Variants in ARHGEF28 observed in about 807,000 individuals in gnomAD.
ARHGEF28 encodes the protein 190 kDa guanine nucleotide exchange factor.
In ARHGEF28, 152 loss-of-function variants were observed where a neutral mutation model predicts 206.6. The ratio of observed to expected loss-of-function variants is 0.74; its 90% CI spans 0.64 to 0.84. The LOEUF is 0.84. Among genes scored for constraint, ARHGEF28 ranks in the 40% least tolerant of loss-of-function variants. ARHGEF28 has a pLI of 0.00. For synonymous variants in ARHGEF28, 763 were observed against 776.4 expected, an observed-to-expected ratio of 0.98 and a Z score of 0.29; for missense variants, 2,028 against 2,073.2, an observed-to-expected ratio of 0.98 and a Z score of 0.42.
At chr5:73,939,624 A>G (rs901571185) in intron 35 of ARHGEF28, among the ~76,000 whole-genome samples, 7 of 152,050 alleles carry the variant, frequency 4.6e-5, no homozygotes, top group African/African-American at 1.7e-4. Context: ...CCCACCTCCT[A>G]CTGGAAGATG....
intron 31 of ARHGEF28, chr5:73,902,265 T>A (rs1762311295): frequency 6.6e-6 from 1 of 152,218 alleles, no homozygotes; most frequent in Non-Finnish European, 1.5e-5. Flanking sequence ...TCCTTCTGAT[T>A]GTAAGCTTTC....
intron 9 of ARHGEF28, among the ~76,000 whole-genome samples, chr5:73,798,155 T>C (rs1353840620): frequency 6.6e-6 from 1 of 152,160 alleles, no homozygotes; most frequent in African/African-American, 2.4e-5. Flanking sequence ...GGTACAGGCA[T>C]GCAATATGAA....
chr5:73,866,144 A>G (rs1393312497), intron 18 of ARHGEF28, 131 bp downstream of exon 18: 7 of 874,758 alleles, frequency 8.0e-6, no homozygotes, highest in African/African-American at 3.4e-5. Flanking sequence ...TATGCTTGGC[A>G]TGATTTTTAG....
At chr5:73,732,844 CAGTA>C (rs1750698370) in intron 2 of ARHGEF28, among the ~76,000 whole-genome samples, 1 of 152,224 alleles carries the variant, frequency 6.6e-6, no homozygotes, top group Admixed American at 6.5e-5. Context: ...AACACACAAA[CAGTA>C]GGAAATGATT....
intron 4 of ARHGEF28, among the ~76,000 whole-genome samples, chr5:73,773,448 C>A (rs1753346234): frequency 6.6e-6 from 1 of 152,176 alleles, no homozygotes; most frequent in Non-Finnish European, 1.5e-5. Context: ...ACAGTCTCAG[C>A]CTCTAAAAGC....
intron 2 of ARHGEF28, among the ~76,000 whole-genome samples, chr5:73,738,332 A>G (rs575644238): frequency 6.6e-6 from 1 of 152,236 alleles, no homozygotes; most frequent in South Asian, 2.1e-4. Flanking sequence ...GCTGTAATGT[A>G]AGGGGTTTGA....
chr5:73,812,589 G>A (rs891846941), intron 9 of ARHGEF28, among the ~76,000 whole-genome samples: 4 of 152,238 alleles, frequency 2.6e-5, no homozygotes, highest in South Asian at 2.1e-4. Context: ...TATAGGAAGC[G>A]GAGAAGTGAG....
At chr5:73,731,320 G>A (rs1175719925) in intron 2 of ARHGEF28, among the ~76,000 whole-genome samples, 3 of 152,172 alleles carry the variant, frequency 2.0e-5, no homozygotes, top group Admixed American at 1.3e-4. Context: ...AGGGGTTGCT[G>A]TAACTTAAGG....
In ARHGEF28 at chr5:73,867,862, G is replaced by A. The variant is rs777641804; in HGVS notation, c.2153-14G>A. On this transcript the variant is annotated splice_polypyrimidine_tract_variant and intron_variant, in intron 18 of 35. Transcript: ENST00000513042. ...GACCTGGAAACCACATGAAGCATCT[G>A]TTCTGATTTCCAGATTCTTCATTTA... 6.2e-7 allele frequency: 1 copy of A among 1,613,942 alleles called. No individual in the cohort carries two copies.
intron 1 of ARHGEF28, among the ~76,000 whole-genome samples, chr5:73,626,904 A>T (rs1204125929): frequency 6.6e-6 from 1 of 152,172 alleles, no homozygotes; most frequent in Admixed American, 6.5e-5. Flanking sequence ...CGCTTATTTT[A>T]TGGATTTGTT....
intron 2 of ARHGEF28, among the ~76,000 whole-genome samples, chr5:73,699,482 G>A (rs1426713377): frequency 2.0e-5 from 3 of 152,280 alleles, no homozygotes; most frequent in African/African-American, 7.2e-5. Flanking sequence ...TATACACCAT[G>A]TCAAAGACTT....
chr5:73,887,703 A>G lies in ARHGEF28; in HGVS notation c.3387+24A>G, dbSNP rs1171993242. The stretch of plus-strand genomic sequence containing the variant: ...TTGTAAGTATATGACTGTGTGATGT[A>G]TTTAAAAAATAGGTTTAACCACACA... On this transcript the variant is annotated intron_variant, in intron 26 of 35. Transcript: ENST00000513042. 2.6e-6 allele frequency: 4 copies of G among 1,515,614 alleles called. No individual in the cohort carries two copies. The African/African-American group carries it at 5.6e-5, about 21-fold the overall frequency. 93.9% of individuals were successfully genotyped at this position (1,515,614 alleles called of 1,614,324 possible).
intron 2 of ARHGEF28, among the ~76,000 whole-genome samples, chr5:73,690,820 A>G (rs1291793046): frequency 6.6e-6 from 1 of 152,210 alleles, no homozygotes; most frequent in Non-Finnish European, 1.5e-5. Flanking sequence ...AGATTTTTCC[A>G]TTTTTCCTCA....
chr5:73,827,304 T>C (rs1267076062), intron 9 of ARHGEF28, among the ~76,000 whole-genome samples: 1 of 152,180 alleles, frequency 6.6e-6, no homozygotes, highest in African/African-American at 2.4e-5. Context: ...CCAGTGGCCT[T>C]GGGTTGTTTT....
At chr5:73,864,192 A>G (rs1759565884) in intron 16 of ARHGEF28, among the ~76,000 whole-genome samples, 1 of 152,192 alleles carries the variant, frequency 6.6e-6, no homozygotes, top group Non-Finnish European at 1.5e-5. Flanking sequence ...GTCTGTGTTC[A>G]TGGGCAGAAA....
At chr5:73,683,633 C>T (rs1233571041) in intron 1 of ARHGEF28, among the ~76,000 whole-genome samples, 2 of 151,828 alleles carry the variant, frequency 1.3e-5, no homozygotes, top group East Asian at 3.9e-4. Context: ...GCAGGCACAC[C>T]GAGAGGCAGA....
At chr5:73,697,375 T>A (rs1421261275) in intron 2 of ARHGEF28, among the ~76,000 whole-genome samples, 1 of 152,194 alleles carries the variant, frequency 6.6e-6, no homozygotes, top group Non-Finnish European at 1.5e-5. Flanking sequence ...TTCCATTACT[T>A]ATAATAGAAT....
intron 10 of ARHGEF28, among the ~76,000 whole-genome samples, chr5:73,840,217 C>A (rs1385938697): frequency 6.6e-6 from 1 of 152,118 alleles, no homozygotes; most frequent in Non-Finnish European, 1.5e-5. Context: ...CCCATTCAGG[C>A]CATTCTCCTG....
At chr5:73,815,662 G>T (rs946707248) in intron 9 of ARHGEF28, among the ~76,000 whole-genome samples, 7 of 152,176 alleles carry the variant, frequency 4.6e-5, no homozygotes, top group African/African-American at 1.7e-4. Flanking sequence ...TGGGATTAAT[G>T]ATGAGGAGGC....
Sources: allele counts gnomAD v4.1 joint callset (sites outside exome capture counted in the v4.1 genomes callset), GRCh38; gene constraint gnomAD v4.1.1; transcripts MANE v1.5; gene names NCBI Gene and HGNC (gene_info 2026-07-23, HGNC 2026-07-21).